Variants in TBC1D5 observed in about 807,000 individuals in gnomAD.
TBC1D5 encodes the protein TBC1 domain family member 5.
Under a neutral mutation model 100.3 loss-of-function variants are expected in TBC1D5, and 75 were observed. The ratio of observed to expected loss-of-function variants is 0.75; its 90% CI spans 0.62 to 0.91. TBC1D5 has a LOEUF of 0.91. TBC1D5 is among the 40% of genes least tolerant of loss of function. The pLI is 0.00. For synonymous variants in TBC1D5, 323 were observed against 325.6 expected, an observed-to-expected ratio of 0.99 and a Z score of 0.09; for missense variants, 910 against 942.4, an observed-to-expected ratio of 0.97 and a Z score of 0.45.
At position 17,335,023 on chromosome 3, in the gene TBC1D5, A is replaced by T. The variant is rs546907501; in HGVS notation, c.996-26889T>A. On this transcript the variant is annotated intron_variant, in intron 13 of 21. Coordinates refer to ENST00000253692, the Ensembl canonical transcript of TBC1D5. ...TTTTAATCAAAATAAGATGACAGAG[A>T]TTTAAATTTGGCCTAAGCCTTAAAA... Among the ~76,000 whole-genome samples, 9 of 152,296 alleles carry T rather than the reference A, an allele frequency of 5.9e-5. No homozygotes were observed. In the East Asian group the frequency reaches 1.5e-3, roughly 26 times the overall value.
chr3:17,446,724 C>A (rs138763859), intron 3 of TBC1D5, among the ~76,000 whole-genome samples: 1 of 152,316 alleles, frequency 6.6e-6, no homozygotes, highest in East Asian at 1.9e-4. Flanking sequence ...GTAATCCCAG[C>A]ACTTTGGGAG....
chr3:17,570,182 G>T lies in TBC1D5; in HGVS notation c.-36+53667C>A, dbSNP rs143684417. 2.8e-3 allele frequency among the ~76,000 whole-genome samples: 428 copies of T among 151,996 alleles called. 1 individual carries two copies. Among genetic ancestry groups the T allele is most frequent in the African/African-American group, 9.4e-3 (389 of 41,486 alleles). The stretch of plus-strand genomic sequence containing the variant: ...CAAGTTCCATCCAGTAAGTTAACTG[G>T]CCCATACATCCAGAAATTTTAAAAA... On this transcript the variant is annotated intron_variant, in intron 2 of 21. Transcript: ENST00000253692.
chr3:17,497,138 C>CT (rs1560023173), intron 3 of TBC1D5, among the ~76,000 whole-genome samples: 2 of 132,940 alleles, frequency 1.5e-5, no homozygotes, highest in Admixed American at 7.6e-5. Context: ...ACACACACAC[C>CT]ATCCTTGTAT....
chr3:17,427,880 T>G (rs1391359205), intron 4 of TBC1D5, among the ~76,000 whole-genome samples: 1 of 151,938 alleles, frequency 6.6e-6, no homozygotes, highest in Admixed American at 6.6e-5. Flanking sequence ...AAATTCAAGT[T>G]ATGAGGAGAA....
At chr3:17,513,073 T>C (rs768552825) in intron 2 of TBC1D5, among the ~76,000 whole-genome samples, 4 of 151,956 alleles carry the variant, frequency 2.6e-5, no homozygotes, top group Non-Finnish European at 5.9e-5. Context: ...GTGGCTTATG[T>C]CTATAATCCC....
intron 2 of TBC1D5, among the ~76,000 whole-genome samples, chr3:17,579,490 T>C (rs2096679188): frequency 2.0e-5 from 3 of 152,122 alleles, no homozygotes; most frequent in Admixed American, 1.3e-4. Context: ...GGTGAAACTG[T>C]TGGTCAATTT....
At chr3:17,316,528 T>C (rs565415985) in intron 13 of TBC1D5, among the ~76,000 whole-genome samples, 7 of 152,346 alleles carry the variant, frequency 4.6e-5, no homozygotes, top group South Asian at 4.1e-4. Context: ...ATATTTATGT[T>C]TATGTTATTG....
intron 2 of TBC1D5, among the ~76,000 whole-genome samples, chr3:17,579,161 A>T (rs1288068375): frequency 1.3e-5 from 2 of 152,070 alleles, no homozygotes; most frequent in South Asian, 2.1e-4. Flanking sequence ...ATTACAAATT[A>T]AAAAGTTTTT....
At chr3:17,208,832 TCTCTTA>T (rs1196031961) in intron 18 of TBC1D5, among the ~76,000 whole-genome samples, 1 of 152,230 alleles carries the variant, frequency 6.6e-6, no homozygotes, top group African/African-American at 2.4e-5. Context: ...CATTTGTTAT[TCTCTTA>T]CTCTGGTTCT....
rs188453527 is a variant in TBC1D5 at position 17,362,861 on chromosome 3, C to T, written c.995+9214G>A. On this transcript the variant is annotated intron_variant, in intron 13 of 21. Coordinates refer to ENST00000253692, the Ensembl canonical transcript of TBC1D5. ...AATAATACAAAGAGCTCCTCAGTAC[C>T]CAGCAGTTTTCCCCAATGGTAACAT... is the stretch of plus-strand genomic sequence containing the variant. Among the ~76,000 whole-genome samples the T allele has an allele frequency of 1.1e-3, 172 of 152,252 alleles. 1 individual carries two copies. The highest frequency in any genetic ancestry group is 3.9e-3 in the African/African-American group (160 of 41,556).
intron 3 of TBC1D5, among the ~76,000 whole-genome samples, chr3:17,490,346 C>G (rs775616369): frequency 6.6e-6 from 1 of 152,100 alleles, no homozygotes. Context: ...TTAATTAGAT[C>G]CCATTTGTCA....
At chr3:17,233,508 G>A (rs994009427) in intron 17 of TBC1D5, among the ~76,000 whole-genome samples, 177 bp downstream of exon 18, 1 of 152,194 alleles carries the variant, frequency 6.6e-6, no homozygotes, top group African/African-American at 2.4e-5. Context: ...ACCAAGGTAT[G>A]ACATGAGAGG....
rs539206134 is a variant in TBC1D5, at chr3:17,719,645, A to C, written c.-101+19698T>G. 1.2e-4 allele frequency among the ~76,000 whole-genome samples: 19 copies of C among 152,330 alleles called. No individual in the cohort carries two copies. The East Asian group carries it at 2.7e-3, about 22-fold the overall frequency. On this transcript the variant is annotated intron_variant, in intron 1 of 21. Coordinates refer to ENST00000253692, the Ensembl canonical transcript of TBC1D5. ...CTATGAGGACTGACTTTGATGCACA[A>C]AAGTTTAAGTTTGACATAATAAAAT... is the stretch of plus-strand genomic sequence containing the variant.
chr3:17,176,547 G>T (rs745818141), intron 19 of TBC1D5, among the ~76,000 whole-genome samples: 3 of 152,128 alleles, frequency 2.0e-5, no homozygotes, highest in Non-Finnish European at 4.4e-5. Flanking sequence ...AACTAACACA[G>T]GAACAGAAAA....
chr3:17,661,673 A>G lies in TBC1D5; in HGVS notation c.-100-37760T>C, dbSNP rs543343273. Among the ~76,000 whole-genome samples, 164 of 151,838 alleles carry G rather than the reference A, an allele frequency of 1.1e-3. 1 individual carries two copies. Among genetic ancestry groups the G allele is most frequent in the African/African-American group, 3.8e-3 (159 of 41,424 alleles). On this transcript the variant is annotated intron_variant, in intron 1 of 21. Coordinates refer to ENST00000253692, the Ensembl canonical transcript of TBC1D5. ...CTGCCACCTCGTTGGCTAATTTTTTATATTTTAGTACAGATGGGGTTTCAC... is the reference window on the plus strand; with the variant it reads ...CTGCCACCTCGTTGGCTAATTTTTTGTATTTTAGTACAGATGGGGTTTCAC...
intron 14 of TBC1D5, among the ~76,000 whole-genome samples, chr3:17,297,258 A>G (rs2082343426): frequency 6.6e-6 from 1 of 152,218 alleles, no homozygotes; most frequent in South Asian, 2.1e-4. Context: ...GACTGAGGAA[A>G]TCAAATGAGA....
intron 15 of TBC1D5, among the ~76,000 whole-genome samples, chr3:17,260,826 T>C (rs148785185): frequency 1.0e-3 from 152 of 152,354 alleles, no homozygotes; most frequent in Middle Eastern, 3.4e-3. Context: ...TGATATTTTA[T>C]TTAATTCAGT....
At chr3:17,188,697 G>T (rs929898833) in intron 18 of TBC1D5, among the ~76,000 whole-genome samples, 7 of 152,196 alleles carry the variant, frequency 4.6e-5, no homozygotes, top group African/African-American at 1.7e-4. Context: ...ATAAAAGAAA[G>T]AGCCAAGAAT....
intron 16 of TBC1D5, among the ~76,000 whole-genome samples, chr3:17,257,087 T>C (rs925862342): frequency 3.3e-5 from 5 of 151,786 alleles, no homozygotes; most frequent in Non-Finnish European, 4.4e-5. Flanking sequence ...CCAGTGGCAA[T>C]AGGAAGCCTT....
Sources: allele counts gnomAD v4.1 joint callset (sites outside exome capture counted in the v4.1 genomes callset), GRCh38; gene constraint gnomAD v4.1.1; transcripts MANE v1.5; gene names NCBI Gene and HGNC (gene_info 2026-07-23, HGNC 2026-07-21).